Variants in PCDH7 observed in about 807,000 individuals in gnomAD.
PCDH7 encodes protocadherin-7.
A neutral mutation model predicts 58.9 loss-of-function variants in PCDH7; 17 were observed. The ratio of observed to expected loss-of-function variants is 0.29; its 90% CI spans 0.20 to 0.43. The LOEUF is 0.43. Ranked by LOEUF, PCDH7 falls within the 20% of genes least tolerant of loss-of-function variation. The pLI, the probability that PCDH7 is intolerant of heterozygous loss-of-function variation, is 1.00. For missense variants in PCDH7, 1,274 were observed against 1,441.0 expected, an observed-to-expected ratio of 0.88 and a Z score of 1.88; for synonymous variants, 664 against 616.4, an observed-to-expected ratio of 1.08 and a Z score of -1.14.
intron 1 of PCDH7, among the ~76,000 whole-genome samples, chr4:30,858,509 G>T (rs148869290): frequency 2.0e-5 from 3 of 152,102 alleles, no homozygotes; most frequent in African/African-American, 7.2e-5. Flanking sequence ...TCTAACCGGT[G>T]CAAGTAATTA....
rs541732500 is a variant in PCDH7 at position 31,075,722 on chromosome 4, G to A, written c.*8-66751G>A. ...TATGGGCCCTGTTGTATCTCATGGG[G>A]GATAACATCTATAACCACCTTAAAT... On this transcript the variant is annotated intron_variant, in intron 3 of 3. Coordinates refer to the PCDH7 transcript ENST00000509759. Among the ~76,000 whole-genome samples the A allele has an allele frequency of 1.4e-4, 22 of 152,170 alleles. 1 individual carries two copies. The South Asian group carries it at 4.6e-3, about 32-fold the overall frequency.
chr4:30,907,399 A>T (rs749923779), intron 1 of PCDH7, among the ~76,000 whole-genome samples: 8 of 152,202 alleles, frequency 5.3e-5, no homozygotes, highest in Non-Finnish European at 1.0e-4. Context: ...GAACTTAAAC[A>T]AATTTACAAG....
intron 1 of PCDH7, among the ~76,000 whole-genome samples, chr4:30,771,183 T>C (rs1221271611): frequency 6.6e-6 from 1 of 152,208 alleles, no homozygotes; most frequent in Non-Finnish European, 1.5e-5. Flanking sequence ...TTTTAATTTG[T>C]GTTTCTTATT....
chr4:30,756,056 T>TGACAGAGTG (rs1485896391), intron 1 of PCDH7, among the ~76,000 whole-genome samples: 5 of 152,166 alleles, frequency 3.3e-5, no homozygotes, highest in African/African-American at 1.2e-4. Context: ...TCCAGCCTGG[T>TGACAGAGTG]GACAGAGTGA....
At chr4:30,949,029 C>A (rs184301374) in intron 2 of PCDH7, among the ~76,000 whole-genome samples, 38 of 152,228 alleles carry the variant, frequency 2.5e-4, no homozygotes, top group Middle Eastern at 3.4e-3. Context: ...AATGCAAACA[C>A]GTATTCATGA....
At chr4:30,964,643 G>GGT (rs1333524826) in intron 3 of PCDH7, among the ~76,000 whole-genome samples, 1 of 151,536 alleles carries the variant, frequency 6.6e-6, no homozygotes, top group South Asian at 2.1e-4. Flanking sequence ...CTCCCTGAGG[G>GGT]CAGAAATAGT....
Position 30,806,092 on chromosome 4 carries a change from G to T in PCDH7, c.70+81496G>T, listed in dbSNP as rs527817906. ...AGGTTTTAGAGCATTTCGGATTTCA[G>T]ATTTTTGGATTTGGGATGCTCAACC... On this transcript the variant is annotated intron_variant, in intron 1 of 3. Transcript: ENST00000509759. 4.6e-5 allele frequency among the ~76,000 whole-genome samples: 7 copies of T among 152,244 alleles called. No homozygotes were observed. In the East Asian group the frequency reaches 9.7e-4, roughly 21 times the overall value.
chr4:31,060,598 T>A (rs1757610653), intron 3 of PCDH7, among the ~76,000 whole-genome samples: 2 of 151,830 alleles, frequency 1.3e-5, no homozygotes, highest in African/African-American at 4.8e-5. Flanking sequence ...CCATATGCCT[T>A]AAGTTTTAAA....
chr4:30,755,067 C>T (rs1393062433), intron 1 of PCDH7, among the ~76,000 whole-genome samples: 3 of 152,066 alleles, frequency 2.0e-5, no homozygotes, highest in African/African-American at 7.2e-5. Context: ...CATACAGTGG[C>T]TAAGATGTAG....
intron 1 of PCDH7, among the ~76,000 whole-genome samples, chr4:30,784,761 G>A (rs771642107): frequency 1.2e-4 from 18 of 151,968 alleles, no homozygotes; most frequent in Non-Finnish European, 2.1e-4. Context: ...ATTTTAGGTT[G>A]TTAGACTAAA....
chr4:30,758,500 T>C (rs1719603367), intron 1 of PCDH7, among the ~76,000 whole-genome samples: 1 of 152,218 alleles, frequency 6.6e-6, no homozygotes. Context: ...TTTGTAACAA[T>C]AGCTTTGAAA....
At chr4:31,008,576 T>G (rs529644909) in intron 3 of PCDH7, among the ~76,000 whole-genome samples, 1 of 152,200 alleles carries the variant, frequency 6.6e-6, no homozygotes, top group African/African-American at 2.4e-5. Context: ...TTTCTCTTCC[T>G]GTATTTCTCT....
intron 1 of PCDH7, among the ~76,000 whole-genome samples, chr4:30,787,825 C>T (rs1333646411): frequency 6.6e-6 from 1 of 152,034 alleles, no homozygotes; most frequent in Non-Finnish European, 1.5e-5. Flanking sequence ...TTAGCATTTG[C>T]ACTTTGGTTT....
intron 3 of PCDH7, among the ~76,000 whole-genome samples, chr4:31,081,474 A>G (rs1353812619): frequency 6.6e-6 from 1 of 152,230 alleles, no homozygotes; most frequent in Non-Finnish European, 1.5e-5. Context: ...ATTACATAAC[A>G]TCTTCTTAAT....
chr4:30,774,592 G>T (rs1721828124), intron 1 of PCDH7, among the ~76,000 whole-genome samples: 1 of 152,084 alleles, frequency 6.6e-6, no homozygotes, highest in Non-Finnish European at 1.5e-5. Flanking sequence ...AGTGACCCTT[G>T]GCCCTCATAG....
intron 3 of PCDH7, among the ~76,000 whole-genome samples, chr4:31,071,224 A>G (rs1378298271): frequency 6.6e-6 from 1 of 152,038 alleles, no homozygotes; most frequent in African/African-American, 2.4e-5. Context: ...GGGAATGCCT[A>G]GTATTAACTC....
At chr4:30,956,373 A>G (rs116779141) in intron 3 of PCDH7, among the ~76,000 whole-genome samples, 1,705 of 152,340 alleles carry the variant, frequency 0.011, 26 homozygotes, top group African/African-American at 0.035. Context: ...GAATTTTAAC[A>G]TAAGCCATCT....
At chr4:31,091,490 G>A (rs767542897) in intron 3 of PCDH7, among the ~76,000 whole-genome samples, 50 of 151,786 alleles carry the variant, frequency 3.3e-4, no homozygotes, top group Middle Eastern at 7.1e-3. Flanking sequence ...AGATTAATGT[G>A]GAAAATTGAA....
chr4:30,725,776 C>T (rs1241937062), intron 1 of PCDH7, among the ~76,000 whole-genome samples: 1 of 151,876 alleles, frequency 6.6e-6, no homozygotes, highest in Non-Finnish European at 1.5e-5. Context: ...AGAATTGAGG[C>T]AAAGGAAAAA....
Sources: allele counts gnomAD v4.1 joint callset (sites outside exome capture counted in the v4.1 genomes callset), GRCh38; gene constraint gnomAD v4.1.1; transcripts MANE v1.5; gene names NCBI Gene and HGNC (gene_info 2026-07-23, HGNC 2026-07-21).